Variants in DISC1 observed in about 807,000 individuals in gnomAD.
DISC1 encodes the protein disrupted in schizophrenia 1 protein.
Under a neutral mutation model 84.5 loss-of-function variants are expected in DISC1, and 57 were observed. That is an observed-to-expected ratio of 0.67 (90% CI 0.55 to 0.84). The LOEUF is 0.84. Among genes scored for constraint, DISC1 ranks in the 40% least tolerant of loss-of-function variants. The pLI is 0.00. For synonymous variants in DISC1, 411 were observed against 415.2 expected, an observed-to-expected ratio of 0.99 and a Z score of 0.12; for missense variants, 1,000 against 1,057.8, an observed-to-expected ratio of 0.95 and a Z score of 0.76.
intron 1 of DISC1, among the ~76,000 whole-genome samples, chr1:231,648,074 T>C (rs556371061): frequency 6.6e-6 from 1 of 152,390 alleles, no homozygotes; most frequent in East Asian, 1.9e-4. Context: ...CTGATGGCCC[T>C]GGCCAGAACT....
chr1:231,868,695 TATA>T, intron 9 of DISC1, among the ~76,000 whole-genome samples: 1 of 1,946 alleles, frequency 5.1e-4, no homozygotes, highest in Non-Finnish European at 7.8e-4. Context: ...CCATCTCTTA[TATA>T]TATATATATA....
intron 10 of DISC1, among the ~76,000 whole-genome samples, chr1:231,971,281 T>G (rs1367708884): frequency 2.6e-5 from 4 of 152,218 alleles, no homozygotes; most frequent in African/African-American, 9.6e-5. Flanking sequence ...GACTTTTTAA[T>G]GATTCGAGGA....
At chr1:231,645,766 G>A (rs1336266561) in intron 1 of DISC1, among the ~76,000 whole-genome samples, 1 of 151,990 alleles carries the variant, frequency 6.6e-6, no homozygotes, top group Non-Finnish European at 1.5e-5. Flanking sequence ...TGCACTGTTC[G>A]GTTTTCTGTC....
chr1:231,879,235 C>A (rs1024925937), intron 9 of DISC1, among the ~76,000 whole-genome samples: 1 of 151,788 alleles, frequency 6.6e-6, no homozygotes, highest in Admixed American at 6.6e-5. Context: ...AATTTTGGAA[C>A]GTTTCAGATT....
chr1:231,660,250 T>C (rs778317559), intron 1 of DISC1, among the ~76,000 whole-genome samples: 5 of 152,184 alleles, frequency 3.3e-5, no homozygotes, highest in Non-Finnish European at 5.9e-5. Context: ...TTTTTGATCT[T>C]TGTTGGCTTA....
intron 6 of DISC1, among the ~76,000 whole-genome samples, chr1:231,784,828 C>T (rs2077707412): frequency 1.3e-5 from 2 of 152,210 alleles, no homozygotes; most frequent in Admixed American, 1.3e-4. Flanking sequence ...GGCCCTGGTG[C>T]TCCTACCTCT....
chr1:231,768,437 C>T (rs1573652896), intron 5 of DISC1, among the ~76,000 whole-genome samples: 1 of 152,184 alleles, frequency 6.6e-6, no homozygotes, highest in Non-Finnish European at 1.5e-5. Flanking sequence ...ATTAACTGAG[C>T]ACTTACACAG....
Position 231,653,825 on chromosome 1 carries a change from C to T in DISC1, c.67+26891C>T, listed in dbSNP as rs183339230. On this transcript the variant is annotated intron_variant, in intron 1 of 12. Coordinates refer to ENST00000439617, the MANE Select transcript of DISC1 (RefSeq NM_018662.3). ...TCCTTGTGGTTTGATGACTTATGAA[C>T]TAGAAGAGAATAAAGTTATTTGCCT... Among the ~76,000 whole-genome samples the T allele has an allele frequency of 4.3e-3, 652 of 152,216 alleles. 2 individuals carry two copies. Among genetic ancestry groups the T allele is most frequent in the South Asian group, 6.0e-3 (29 of 4,820 alleles).
intron 10 of DISC1, among the ~76,000 whole-genome samples, chr1:231,978,376 T>G (rs1355256310): frequency 1.3e-5 from 2 of 152,220 alleles, no homozygotes; most frequent in African/African-American, 2.4e-5. Context: ...AGTCATAATC[T>G]AATTCTGTCA....
At chr1:231,952,691 T>TTATATATATATATATATATATG (rs1658660441) in intron 9 of DISC1, among the ~76,000 whole-genome samples, 1 of 141,838 alleles carries the variant, frequency 7.1e-6, no homozygotes, top group African/African-American at 2.6e-5. Flanking sequence ...ATATATATGT[T>TTATATATATATATATATATATG]TATATATATA....
intron 9 of DISC1, among the ~76,000 whole-genome samples, chr1:231,857,022 A>G (rs2084321329): frequency 1.3e-5 from 2 of 152,160 alleles, no homozygotes; most frequent in South Asian, 4.1e-4. Flanking sequence ...ATGAGGGTTT[A>G]AGGAATTTGG....
At chr1:231,944,518 G>A (rs2091508191) in intron 9 of DISC1, among the ~76,000 whole-genome samples, 1 of 152,134 alleles carries the variant, frequency 6.6e-6, no homozygotes, top group South Asian at 2.1e-4. Flanking sequence ...GCAGCTCCGT[G>A]CAATCCTGCC....
intron 3 of DISC1, among the ~76,000 whole-genome samples, chr1:231,709,078 T>C (rs1160994268): frequency 6.6e-6 from 1 of 152,148 alleles, no homozygotes; most frequent in African/African-American, 2.4e-5. Flanking sequence ...ATGAACAAAA[T>C]GTCATTTATT....
rs143968575 is a variant in DISC1, at chr1:231,919,589, G to A, written c.1982-39239G>A. ...TTAATCTCCTAATTTTATTTTTGTGGCTATAGTGCCTCACCGAGTATACTG... is the reference window on the plus strand; with the variant it reads ...TTAATCTCCTAATTTTATTTTTGTGACTATAGTGCCTCACCGAGTATACTG... On this transcript the variant is annotated intron_variant, in intron 9 of 12. Coordinates refer to ENST00000439617, the MANE Select transcript of DISC1 (RefSeq NM_018662.3). Among the ~76,000 whole-genome samples, 9 of 152,218 alleles carry A rather than the reference G, an allele frequency of 5.9e-5. No individual in the cohort carries two copies. The East Asian group carries it at 1.7e-3, about 29-fold the overall frequency.
At chr1:231,789,698 C>T (rs1204444401) in intron 6 of DISC1, among the ~76,000 whole-genome samples, 1 of 152,038 alleles carries the variant, frequency 6.6e-6, no homozygotes, top group African/African-American at 2.4e-5. Flanking sequence ...TCATTCTGGC[C>T]CTTGACCAAG....
intron 1 of DISC1, among the ~76,000 whole-genome samples, chr1:231,673,835 A>G (rs1337802592): frequency 1.3e-5 from 2 of 152,236 alleles, no homozygotes; most frequent in Non-Finnish European, 2.9e-5. Flanking sequence ...AACATCATTG[A>G]GTAATTATAC....
At chr1:231,778,471 C>T (rs576769556) in intron 6 of DISC1, among the ~76,000 whole-genome samples, 1 of 152,268 alleles carries the variant, frequency 6.6e-6, no homozygotes, top group African/African-American at 2.4e-5. Context: ...AGGCTGTGAC[C>T]ATCCACAGGC....
chr1:231,886,923 G>A (rs1157991313), intron 9 of DISC1, among the ~76,000 whole-genome samples: 8 of 145,788 alleles, frequency 5.5e-5, no homozygotes, highest in Admixed American at 2.8e-4. Context: ...GTGCAGTGGC[G>A]CCATCTCAGC....
At chr1:231,890,773 A>G (rs1229309725) in intron 9 of DISC1, among the ~76,000 whole-genome samples, 3 of 152,246 alleles carry the variant, frequency 2.0e-5, no homozygotes, top group Non-Finnish European at 4.4e-5. Context: ...TAAATAAATG[A>G]TACCATATCC....
Sources: allele counts gnomAD v4.1 joint callset (sites outside exome capture counted in the v4.1 genomes callset), GRCh38; gene constraint gnomAD v4.1.1; transcripts MANE v1.5; gene names NCBI Gene and HGNC (gene_info 2026-07-23, HGNC 2026-07-21).